NF1: variants seen among roughly 807,000 people sequenced by gnomAD.
The protein encoded by NF1 is neurofibromin 1.
A neutral mutation model predicts 325.7 loss-of-function variants in NF1; 122 were observed. That is an observed-to-expected ratio of 0.37 (90% CI 0.32 to 0.44). The LOEUF is 0.44. Among genes scored for constraint, NF1 ranks in the 20% least tolerant of loss-of-function variants. The pLI, the probability that NF1 is intolerant of heterozygous loss-of-function variation, is 1.00. For missense variants in NF1, 2,140 were observed against 3,415.4 expected (o/e 0.63, Z 9.31); for synonymous variants, 1,091 against 1,186.0 (o/e 0.92, Z 1.65).
intron 48 of NF1, among the ~76,000 whole-genome samples, chr17:31,343,952 C>A: frequency 6.8e-6 from 1 of 148,076 alleles, no homozygotes. Context: ...TGAGACCCTG[C>A]CTTTAAAAAA....
At chr17:31,237,408 G>A (rs567259751) in intron 29 of NF1, among the ~76,000 whole-genome samples, 39 of 152,158 alleles carry the variant, frequency 2.6e-4, no homozygotes, top group Non-Finnish European at 4.6e-4. Context: ...CCAAGTAGCT[G>A]GGATTACAGG....
chr17:31,243,184 C>CTGTGTG (rs377472053), intron 29 of NF1, among the ~76,000 whole-genome samples: 117 of 137,560 alleles, frequency 8.5e-4, no homozygotes, highest in Middle Eastern at 3.5e-3. Flanking sequence ...CTCTCTCTGT[C>CTGTGTG]TGTGTGTGTG....
At chr17:31,136,042 A>C (rs1240733366) in intron 1 of NF1, among the ~76,000 whole-genome samples, 2 of 152,024 alleles carry the variant, frequency 1.3e-5, no homozygotes, top group Non-Finnish European at 2.9e-5. Flanking sequence ...TTTCTTTGAA[A>C]ATACAGGGCC....
chr17:31,346,818 CTTTTTTTT>C (rs59155043), intron 48 of NF1, among the ~76,000 whole-genome samples: 142 of 108,206 alleles, frequency 1.3e-3, no homozygotes, highest in African/African-American at 4.5e-3. Context: ...AAGAATTTGG[CTTTTTTTT>C]TTTTTTTTTT....
At chr17:31,159,180 A>T in intron 3 of NF1, 87 bp downstream of exon 3, 3 of 936,474 alleles carry the variant, frequency 3.2e-6, no homozygotes, top group Non-Finnish European at 5.3e-6. Context: ...GTGGACCAAG[A>T]GGACAGTCCT....
chr17:31,338,329 C>G (rs943453889), intron 45 of NF1, among the ~76,000 whole-genome samples, 190 bp downstream of exon 45: 3 of 152,092 alleles, frequency 2.0e-5, no homozygotes, highest in Admixed American at 6.6e-5. Flanking sequence ...AAGAAGCTGT[C>G]TTTATATGTA....
At chr17:31,357,719 C>G in intron 54 of NF1, 1 of 308,694 alleles carries the variant, frequency 3.2e-6, no homozygotes, top group Non-Finnish European at 6.1e-6. Flanking sequence ...TTATCCACAG[C>G]TGAGTGAAAA....
At chr17:31,179,535 G>A (rs2143763237) in intron 5 of NF1, among the ~76,000 whole-genome samples, 1 of 152,252 alleles carries the variant, frequency 6.6e-6, no homozygotes, top group African/African-American at 2.4e-5. Context: ...AGGAGATAGA[G>A]ACACGAAAAA....
rs528040324 is a variant in NF1, at chr17:31,099,853, G to A, written c.60+4484G>A. Among the ~76,000 whole-genome samples the A allele has an allele frequency of 7.2e-5, 11 of 152,032 alleles. No homozygotes were observed. In the South Asian group the frequency reaches 1.5e-3, roughly 20 times the overall value. On this transcript the variant is annotated intron_variant, in intron 1 of 57. Transcript: ENST00000358273. ...TGGGATTACAGGCGTGAGCCACCACGCCCGGCCATGTGTAGCTTTTAATTG... is the reference window on the plus strand; with the variant it reads ...TGGGATTACAGGCGTGAGCCACCACACCCGGCCATGTGTAGCTTTTAATTG...
In NF1 at chr17:31,359,236, A is replaced by C. The variant is rs1450281479; in HGVS notation, c.8160+221A>C. On this transcript the variant is annotated intron_variant, in intron 56 of 57. Coordinates refer to ENST00000358273, the MANE Select transcript of NF1 (RefSeq NM_001042492.3). ...TCACTTTTACAAACAAAGTCAACTT[A>C]TGATCAATTTTTCAGAAGAGTATGA... The C allele has an allele frequency of 7.5e-6, 4 of 532,344 alleles. No homozygotes were observed. The Admixed American group carries it at 1.3e-4, about 17-fold the overall frequency. 33.0% of individuals were successfully genotyped at this position (532,344 alleles called of 1,614,324 possible). A position where few individuals can be genotyped will look rare whatever the true frequency, so the allele number is the denominator to read the frequency against.
At chr17:31,194,400 G>A (rs1405725336) in intron 8 of NF1, among the ~76,000 whole-genome samples, 2 of 152,002 alleles carry the variant, frequency 1.3e-5, no homozygotes, top group Non-Finnish European at 2.9e-5. Context: ...GGTGCGGGGA[G>A]GGTAGGGAAC....
chr17:31,154,071 T>C (rs1172965676), intron 1 of NF1, among the ~76,000 whole-genome samples: 1 of 141,286 alleles, frequency 7.1e-6, no homozygotes, highest in Non-Finnish European at 1.5e-5. Flanking sequence ...TTTTTTTTTT[T>C]TTTTTTTTGA....
At chr17:31,259,587 T>G (rs1371134916) in intron 33 of NF1, among the ~76,000 whole-genome samples, 1 of 152,170 alleles carries the variant, frequency 6.6e-6, no homozygotes, top group East Asian at 1.9e-4. Context: ...ACATAAGATT[T>G]TGTTTATGAG....
At chr17:31,172,388 G>T (rs548300275) in intron 5 of NF1, among the ~76,000 whole-genome samples, 1 of 139,032 alleles carries the variant, frequency 7.2e-6, no homozygotes, top group East Asian at 2.1e-4. Flanking sequence ...TCTTTCTCTC[G>T]ATATACCTAT....
At chr17:31,244,768 C>T (rs550846496) in intron 29 of NF1, among the ~76,000 whole-genome samples, 1 of 152,208 alleles carries the variant, frequency 6.6e-6, no homozygotes, top group Non-Finnish European at 1.5e-5. Context: ...ATGTTAAGAC[C>T]AGGTATTGTG....
intron 31 of NF1, 64 bp from the exon 32 acceptor site, chr17:31,258,280 C>G (rs2151461506): frequency 6.3e-7 from 1 of 1,585,244 alleles, no homozygotes; most frequent in Admixed American, 1.7e-5. Context: ...CCTTTGAACT[C>G]TTTGTTTTCA....
chr17:31,275,101 A>G lies in NF1; in HGVS notation c.4835+9762A>G, dbSNP rs987204121. Among the ~76,000 whole-genome samples the G allele has an allele frequency of 3.9e-4, 60 of 152,170 alleles. 1 individual carries two copies. Among genetic ancestry groups the G allele is most frequent in the African/African-American group, 2.4e-5 (1 of 41,446 alleles). ...GTACTCAAATGTTCCCAAACAAACA[A>G]TAGTCAATTTGCCATTATTCAGGTC... is the stretch of plus-strand genomic sequence containing the variant. On this transcript the variant is annotated intron_variant, in intron 36 of 57. Transcript: ENST00000358273.
intron 5 of NF1, among the ~76,000 whole-genome samples, 167 bp from the exon 6 acceptor site, chr17:31,181,255 A>G (rs559768365): frequency 2.6e-4 from 40 of 152,332 alleles, no homozygotes; most frequent in African/African-American, 7.5e-4. Flanking sequence ...TTTCTTTCCT[A>G]GCAGACAACT....
intron 1 of NF1, among the ~76,000 whole-genome samples, chr17:31,143,122 G>A (rs1194261235): frequency 6.6e-6 from 1 of 152,094 alleles, no homozygotes; most frequent in Non-Finnish European, 1.5e-5. Flanking sequence ...GCAAATATCA[G>A]TGTTTTTATT....
Sources: allele counts gnomAD v4.1 joint callset (sites outside exome capture counted in the v4.1 genomes callset), GRCh38; gene constraint gnomAD v4.1.1; transcripts MANE v1.5; gene names NCBI Gene and HGNC (gene_info 2026-07-23, HGNC 2026-07-21).